ADAMTSL1: variants seen among roughly 807,000 people sequenced by gnomAD.
ADAMTSL1 encodes ADAMTS like 1.
ADAMTSL1 carries 126 observed loss-of-function variants against 201.8 expected under a neutral mutation model. The ratio of observed to expected loss-of-function variants is 0.62; its 90% CI spans 0.54 to 0.72. The LOEUF (loss-of-function observed/expected upper bound fraction) is 0.72, where lower values mean the gene tolerates loss of function less well. ADAMTSL1 is among the 30% of genes least tolerant of loss of function. The pLI, the probability that ADAMTSL1 is intolerant of heterozygous loss-of-function variation, is 0.00. For synonymous variants in ADAMTSL1, 1,121 were observed against 903.4 expected (o/e 1.24, Z -4.32); for missense variants, 2,679 against 2,277.8 (o/e 1.18, Z -3.59).
intron 26 of ADAMTSL1, 43 bp from the exon 27 acceptor site, chr9:18,905,739 G>T: frequency 1.3e-6 from 2 of 1,538,684 alleles, no homozygotes; most frequent in South Asian, 2.3e-5. Context: ...CTCCACCCTT[G>T]ACTTGGCTAA....
At chr9:18,016,203 C>A (rs1404658091) in intron 1 of ADAMTSL1, among the ~76,000 whole-genome samples, 1 of 151,952 alleles carries the variant, frequency 6.6e-6, no homozygotes, top group Admixed American at 6.6e-5. Context: ...AAAACAGAAA[C>A]ACAATTAGTT....
At chr9:18,459,924 TA>T (rs1820746690) in intron 2 of ADAMTSL1, among the ~76,000 whole-genome samples, 2 of 151,988 alleles carry the variant, frequency 1.3e-5, no homozygotes, top group Non-Finnish European at 2.9e-5. Flanking sequence ...GGGAGGAAGG[TA>T]GGCTGCAGGG....
chr9:18,122,784 GT>G (rs1825558507), intron 1 of ADAMTSL1, among the ~76,000 whole-genome samples: 1 of 152,032 alleles, frequency 6.6e-6, no homozygotes, highest in African/African-American at 2.4e-5. Flanking sequence ...TTGGTTTTTT[GT>G]TTTTGTTTTT....
intron 15 of ADAMTSL1, among the ~76,000 whole-genome samples, chr9:18,750,059 C>A (rs761159891): frequency 7.2e-5 from 11 of 152,208 alleles, no homozygotes; most frequent in Non-Finnish European, 1.0e-4. Flanking sequence ...ATAAGACATA[C>A]AAAGAGGGTT....
At chr9:18,675,229 C>T (rs1166517569) in intron 9 of ADAMTSL1, among the ~76,000 whole-genome samples, 3 of 152,132 alleles carry the variant, frequency 2.0e-5, no homozygotes, top group Non-Finnish European at 4.4e-5. Context: ...TAACTGCCTA[C>T]CTTTATTTTG....
At chr9:18,129,737 C>A (rs79024973) in intron 1 of ADAMTSL1, among the ~76,000 whole-genome samples, 1,887 of 152,162 alleles carry the variant, frequency 0.012, 39 homozygotes, top group African/African-American at 0.042. Flanking sequence ...GATTAAATTC[C>A]TTTTCAACCC....
intron 26 of ADAMTSL1, among the ~76,000 whole-genome samples, chr9:18,894,331 G>C (rs532350738): frequency 1.5e-5 from 2 of 131,840 alleles, no homozygotes; most frequent in Non-Finnish European, 3.2e-5. Flanking sequence ...CTGGGTGACA[G>C]AGCAAAACCT....
At chr9:18,188,680 G>A (rs538941325) in intron 2 of ADAMTSL1, among the ~76,000 whole-genome samples, 50 of 152,236 alleles carry the variant, frequency 3.3e-4, no homozygotes, top group African/African-American at 1.1e-3. Flanking sequence ...CAAACTGCCG[G>A]GGATATTAGA....
intron 1 of ADAMTSL1, among the ~76,000 whole-genome samples, chr9:17,945,873 G>T (rs1348262149): frequency 6.7e-6 from 1 of 150,190 alleles, no homozygotes; most frequent in Non-Finnish European, 1.5e-5. Flanking sequence ...GCTAAATGAC[G>T]AGTTAATGGG....
chr9:18,494,394 A>T (rs534891797), intron 1 of ADAMTSL1, among the ~76,000 whole-genome samples: 1 of 151,940 alleles, frequency 6.6e-6, no homozygotes. Flanking sequence ...TTCTACCTAG[A>T]GATAAGAGAA....
At chr9:18,589,442 T>G (rs973595349) in intron 4 of ADAMTSL1, among the ~76,000 whole-genome samples, 1 of 152,222 alleles carries the variant, frequency 6.6e-6, no homozygotes, top group Non-Finnish European at 1.5e-5. Flanking sequence ...GTGATTTTAT[T>G]AAATTTGTTC....
chr9:18,306,083 G>A (rs1386107707), intron 2 of ADAMTSL1, among the ~76,000 whole-genome samples: 1 of 152,064 alleles, frequency 6.6e-6, no homozygotes, highest in Non-Finnish European at 1.5e-5. Flanking sequence ...GGAGTATCCA[G>A]CAGACCTGCA....
chr9:18,078,878 A>G (rs988446505), intron 1 of ADAMTSL1, among the ~76,000 whole-genome samples: 1 of 152,244 alleles, frequency 6.6e-6, no homozygotes, highest in Non-Finnish European at 1.5e-5. Context: ...TCTGGCATCA[A>G]GAAACAATCA....
At chr9:18,710,094 C>T (rs528317414) in intron 14 of ADAMTSL1, among the ~76,000 whole-genome samples, 4 of 152,264 alleles carry the variant, frequency 2.6e-5, no homozygotes, top group African/African-American at 9.6e-5. Context: ...CTGTGAACTC[C>T]AAGGTGAAGC....
chr9:18,589,937 C>G (rs1488061246), intron 4 of ADAMTSL1, among the ~76,000 whole-genome samples: 1 of 152,058 alleles, frequency 6.6e-6, no homozygotes, highest in African/African-American at 2.4e-5. Context: ...GGTGAATGGT[C>G]TTTTTAATGT....
At chr9:18,346,842 A>G (rs1482596632) in intron 2 of ADAMTSL1, among the ~76,000 whole-genome samples, 1 of 152,174 alleles carries the variant, frequency 6.6e-6, no homozygotes, top group East Asian at 1.9e-4. Context: ...CTGAACTCGA[A>G]AGGCTCAATC....
At chr9:18,767,791 T>G (rs536917767) in intron 16 of ADAMTSL1, among the ~76,000 whole-genome samples, 99 of 152,208 alleles carry the variant, frequency 6.5e-4, no homozygotes, top group Non-Finnish European at 1.0e-3. Flanking sequence ...ATTTGCTTCT[T>G]CAATACAGAA....
At chr9:18,781,257 G>A (rs1300164182) in intron 19 of ADAMTSL1, among the ~76,000 whole-genome samples, 1 of 152,170 alleles carries the variant, frequency 6.6e-6, no homozygotes, top group Non-Finnish European at 1.5e-5. Flanking sequence ...GGGGAGGGTA[G>A]CACTAAGAGG....
At chr9:18,744,507 C>G (rs1049853932) in intron 15 of ADAMTSL1, among the ~76,000 whole-genome samples, 1 of 152,234 alleles carries the variant, frequency 6.6e-6, no homozygotes, top group East Asian at 1.9e-4. Context: ...CAATAATCAT[C>G]TCTGCATTCA....
Sources: allele counts gnomAD v4.1 joint callset (sites outside exome capture counted in the v4.1 genomes callset), GRCh38; gene constraint gnomAD v4.1.1; transcripts MANE v1.5; gene names NCBI Gene and HGNC (gene_info 2026-07-23, HGNC 2026-07-21).